The following KIFBP variants were observed in gnomAD, a reference collection of about 807,000 sequenced individuals.
The protein encoded by KIFBP is kinesin family binding protein.
In KIFBP, 46 loss-of-function variants were observed where a neutral mutation model predicts 58.9. That is an observed-to-expected ratio of 0.78 (90% CI 0.62 to 1.00). The LOEUF (loss-of-function observed/expected upper bound fraction) is 1.00, where lower values mean the gene tolerates loss of function less well. Among genes scored for constraint, KIFBP ranks in the 50% least tolerant of loss-of-function variants. The pLI is 0.00. For synonymous variants in KIFBP, 241 were observed against 283.4 expected (o/e 0.85, Z 1.50); for missense variants, 651 against 752.9 (o/e 0.86, Z 1.58).
In KIFBP at chr10:68,988,865, G is replaced by C; in HGVS notation, c.33G>C (p.Glu11Asp). 2 of 1,614,288 alleles carry C rather than the reference G, an allele frequency of 1.2e-6. No individual in the cohort carries two copies. The highest frequency in any genetic ancestry group is 1.7e-6 in the Non-Finnish European group (2 of 1,180,052). The change falls in exon 1 of 7, where the codon GAG (glutamate) becomes GAC (aspartate). Residue 11 changes from glutamate to aspartate, a missense_variant. Transcript: ENST00000361983. MANVPWAEVC[E>D]KFQAALALSR... ...ACGTTCCGTGGGCAGAGGTCTGCGA[G>C]AAATTCCAGGCGGCGCTCGCTCTGT...
rs1412898890 is a variant in KIFBP at position 69,016,070 on chromosome 10, A to G, written c.1520A>G (p.Asn507Ser). The G allele has an allele frequency of 6.2e-7, 1 of 1,613,970 alleles. No homozygotes were observed. Among genetic ancestry groups the G allele is most frequent in the Admixed American group, 1.7e-5 (1 of 59,998 alleles). The change falls in exon 7 of 7, where the codon AAT (asparagine) becomes AGT (serine). Residue 507 changes from asparagine to serine, a missense_variant. Asn to Ser is a conservative substitution (Grantham distance 46). Transcript: ENST00000361983. ...GATTCACACATTGTAAAAAAAATAA[A>G]TAATCTTAATAAGTCAGCACTGAAG... Reference protein sequence around the residue: ...DPDSHIVKKINNLNKSALKYY... With the variant: ...DPDSHIVKKISNLNKSALKYY...
At chr10:69,011,666 G>A (rs1843593720) in intron 6 of KIFBP, among the ~76,000 whole-genome samples, 1 of 144,204 alleles carries the variant, frequency 6.9e-6, no homozygotes, top group South Asian at 2.3e-4. Flanking sequence ...TTACAGGTGT[G>A]AGCCACTGTG....
Position 69,005,133 on chromosome 10 carries a change from G to A in KIFBP, c.605+8G>A. On this transcript the variant is annotated splice_region_variant and intron_variant, in intron 3 of 6. Coordinates refer to ENST00000361983, the MANE Select transcript of KIFBP (RefSeq NM_015634.4). ...ACAAGAGAGATCAAAAAGGTGAGTA[G>A]GTATAGAAATCAGCCCTTGCAAATA... 4 of 1,592,064 alleles carry A rather than the reference G, an allele frequency of 2.5e-6. No homozygotes were observed. Among genetic ancestry groups the A allele is most frequent in the Non-Finnish European group, 3.4e-6 (4 of 1,160,058 alleles).
intron 1 of KIFBP, among the ~76,000 whole-genome samples, chr10:68,997,032 A>G (rs1243914581): frequency 6.6e-6 from 1 of 152,154 alleles, no homozygotes; most frequent in Non-Finnish European, 1.5e-5. Flanking sequence ...ATTCCACTGG[A>G]ACATAGCACT....
At chr10:68,996,854 AAAAAT>A (rs1429165078) in intron 1 of KIFBP, among the ~76,000 whole-genome samples, 1 of 133,526 alleles carries the variant, frequency 7.5e-6, no homozygotes, top group East Asian at 2.2e-4. Flanking sequence ...GACTGTCTCA[AAAAAT>A]AAAATAAAAT....
At chr10:68,991,068 C>G (rs1843340427) in intron 1 of KIFBP, 1 of 152,082 alleles carries the variant, frequency 6.6e-6, no homozygotes, top group Admixed American at 6.6e-5. Flanking sequence ...CTTAGGAGTT[C>G]AAGACCAACC....
Position 69,016,177 on chromosome 10 carries a change from G to A in KIFBP, c.1627G>A (p.Ala543Thr), listed in dbSNP as rs753869868. 1.2e-6 allele frequency: 2 copies of A among 1,613,858 alleles called. No homozygotes were observed. Among genetic ancestry groups the A allele is most frequent in the South Asian group, 2.2e-5 (2 of 90,986 alleles). Residue 543 changes from alanine (A) to threonine (T), a missense_variant, in exon 7 of 7, where the codon GCC becomes ACC. Transcript: ENST00000361983. ...TATAGGGGAAGATGTTCTTCGCCCT[G>A]CCATGTTAGCTAAGTTTCGAGTTGC... Reference protein sequence around the residue: ...EHIGEDVLRPAMLAKFRVARL... With the variant: ...EHIGEDVLRPTMLAKFRVARL...
At chr10:69,011,769 C>T (rs1843596665) in intron 6 of KIFBP, among the ~76,000 whole-genome samples, 1 of 136,302 alleles carries the variant, frequency 7.3e-6, no homozygotes, top group African/African-American at 2.8e-5. Flanking sequence ...ATCGCAGCTG[C>T]AACCTCTGCT....
Position 69,005,829 on chromosome 10 carries a change from C to T in KIFBP, c.703C>T (p.Leu235=). The change falls in exon 4 of 7, where the codon CTA becomes TTA. Residue 235 remains leucine (L), a synonymous_variant. Coordinates refer to ENST00000361983, the MANE Select transcript of KIFBP (RefSeq NM_015634.4). ...GGCTGCTCACTATTGCCATAGTACA[C>T]TAAAACGCCAGCTTGAGCACAATGC... is the stretch of plus-strand genomic sequence containing the variant. The part of the protein sequence containing the change: ...EKAAHYCHST[L]KRQLEHNAYH... 6.2e-7 allele frequency: 1 copy of T among 1,614,166 alleles called. No individual in the cohort carries two copies. The highest frequency in any genetic ancestry group is 2.2e-5 in the East Asian group (1 of 44,886).
At chr10:69,012,862 C>T (rs906911590) in intron 6 of KIFBP, among the ~76,000 whole-genome samples, 6 of 151,996 alleles carry the variant, frequency 3.9e-5, no homozygotes, top group African/African-American at 9.7e-5. Context: ...CACTGCACTC[C>T]AGCCTGGGTA....
intron 1 of KIFBP, 151 bp from the exon 2 acceptor site, chr10:69,000,273 A>G: frequency 1.5e-6 from 1 of 646,640 alleles, no homozygotes; most frequent in Non-Finnish European, 2.8e-6. Context: ...CTGCTGCACT[A>G]CATAAGGTCA....
intron 6 of KIFBP, chr10:69,011,297 C>T: frequency 3.3e-6 from 1 of 307,074 alleles, no homozygotes; most frequent in Non-Finnish European, 6.2e-6. Flanking sequence ...ATAAATCTTA[C>T]TCATCATTCA....
chr10:68,989,741 A>T (rs1843320123), intron 1 of KIFBP: 1 of 168,214 alleles, frequency 5.9e-6, no homozygotes, highest in Non-Finnish European at 1.3e-5. Context: ...TGTGTCGCCC[A>T]GGTTCGAGTT....
At position 69,016,506 on chromosome 10, in the gene KIFBP, T is replaced by C. The variant is rs559963580; in HGVS notation, c.*90T>C. ...CCAATTCCATTGTGATGTTTACCTT[T>C]ATAGCCAGGTGAGTGCAGTTTGAAC... On this transcript the variant is annotated 3_prime_UTR_variant, in exon 7 of 7. Transcript: ENST00000361983. The C allele has an allele frequency of 3.4e-5, 46 of 1,337,990 alleles. No homozygotes were observed. Among genetic ancestry groups the C allele is most frequent in the Non-Finnish European group, 4.5e-5 (42 of 942,788 alleles). 82.9% of individuals were successfully genotyped at this position (1,337,990 alleles called of 1,614,324 possible). A position where few individuals can be genotyped will look rare whatever the true frequency, so the allele number is the denominator to read the frequency against.
intron 4 of KIFBP, chr10:69,007,712 G>A (rs1843549852): frequency 6.6e-6 from 1 of 152,144 alleles, no homozygotes; most frequent in African/African-American, 2.4e-5. Context: ...ATTTAATGCT[G>A]CAATTTTAAA....
Position 68,998,495 on chromosome 10 carries a change from G to A in KIFBP, c.427-1929G>A, listed in dbSNP as rs576273959. On this transcript the variant is annotated intron_variant, in intron 1 of 6. Transcript: ENST00000361983. Reference sequence around the variant, plus strand: ...TGTGTTCATAATGAAAAGAAATGCTGTATTTTAATAGGAGATTGGTGAAAA... The same window carrying A: ...TGTGTTCATAATGAAAAGAAATGCTATATTTTAATAGGAGATTGGTGAAAA... Among the ~76,000 whole-genome samples the A allele has an allele frequency of 1.9e-3, 282 of 151,360 alleles. 1 individual carries two copies. Among genetic ancestry groups the A allele is most frequent in the African/African-American group, 6.5e-3 (268 of 41,288 alleles).
At chr10:69,008,389 AAAATATATAT>A (rs1156888377) in intron 4 of KIFBP, among the ~76,000 whole-genome samples, 3 of 56,570 alleles carry the variant, frequency 5.3e-5, no homozygotes, top group African/African-American at 8.6e-5. Context: ...AAAAAAAAAA[AAAATATATAT>A]ATATATATAT....
chr10:68,990,214 A>G (rs969788969), intron 1 of KIFBP, among the ~76,000 whole-genome samples: 2 of 152,024 alleles, frequency 1.3e-5, no homozygotes, highest in South Asian at 4.1e-4. Context: ...TTTGTTTCCC[A>G]TTTATATGGT....
intron 1 of KIFBP, among the ~76,000 whole-genome samples, chr10:68,998,771 A>ATATATATATATATAT (rs1357079794): frequency 5.0e-5 from 5 of 99,858 alleles, no homozygotes; most frequent in African/African-American, 1.5e-4. Flanking sequence ...ATATATATAT[A>ATATATATATATATAT]TTTTTTTTTT....
Sources: gnomAD v4.1 joint callset for allele counts (sites outside exome capture counted in the v4.1 genomes callset) on GRCh38, gnomAD v4.1.1 for gene constraint, MANE v1.5 for transcripts, NCBI Gene and HGNC (gene_info 2026-07-23, HGNC 2026-07-21) for gene names.